Variants in FBXO47 observed in about 807,000 individuals in gnomAD.
FBXO47 encodes the protein F-box protein 47, also known as F-box only protein 47.
In FBXO47, 34 loss-of-function variants were observed where a neutral mutation model predicts 53.9. That is an observed-to-expected ratio of 0.63 (90% CI 0.48 to 0.84). The LOEUF (loss-of-function observed/expected upper bound fraction) is 0.84. Among genes scored for constraint, FBXO47 ranks in the 40% least tolerant of loss-of-function variants. The pLI is 0.00. For synonymous variants in FBXO47, 165 were observed against 181.6 expected (o/e 0.91, Z 0.73); for missense variants, 485 against 541.3 (o/e 0.90, Z 1.03).
At chr17:38,942,098 C>G (rs1904536389) in intron 9 of FBXO47, among the ~76,000 whole-genome samples, 1 of 152,154 alleles carries the variant, frequency 6.6e-6, no homozygotes, top group South Asian at 2.1e-4. Flanking sequence ...TATTTCAACT[C>G]TATCTCCATT....
At chr17:38,949,693 T>C (rs1270086961) in intron 6 of FBXO47, among the ~76,000 whole-genome samples, 1 of 152,204 alleles carries the variant, frequency 6.6e-6, no homozygotes, top group African/African-American at 2.4e-5. Flanking sequence ...AATCGAACTT[T>C]CTGATTCTAG....
intron 5 of FBXO47, among the ~76,000 whole-genome samples, chr17:38,951,949 C>T (rs1229329946): frequency 6.6e-6 from 1 of 152,008 alleles, no homozygotes; most frequent in African/African-American, 2.4e-5. Context: ...ATTGCTTGAA[C>T]CTGGGAGGTG....
intron 3 of FBXO47, among the ~76,000 whole-genome samples, chr17:38,959,316 C>A (rs1054463824): frequency 2.0e-5 from 3 of 151,850 alleles, no homozygotes; most frequent in African/African-American, 7.3e-5. Flanking sequence ...AGTACGGTGG[C>A]TCACTCCTGT....
intron 9 of FBXO47, 122 bp from the exon 10 acceptor site, chr17:38,938,854 C>T (rs1249630859): frequency 2.1e-5 from 16 of 745,870 alleles, no homozygotes; most frequent in Non-Finnish European, 3.2e-5. Flanking sequence ...TACCTGACAC[C>T]ATACTGAGTC....
At chr17:38,938,410 G>A (rs1470905935) in intron 10 of FBXO47, among the ~76,000 whole-genome samples, 163 bp downstream of exon 10, 2 of 151,474 alleles carry the variant, frequency 1.3e-5, no homozygotes, top group African/African-American at 2.4e-5. Context: ...ACAAAAGTCC[G>A]CTTCCTCTAC....
chr17:38,964,855 C>T (rs1164784101), intron 1 of FBXO47, among the ~76,000 whole-genome samples: 1 of 151,896 alleles, frequency 6.6e-6, no homozygotes, highest in Non-Finnish European at 1.5e-5. Flanking sequence ...CTCTACTGCC[C>T]GGGCTGGAGT....
intron 3 of FBXO47, among the ~76,000 whole-genome samples, chr17:38,961,537 G>A (rs1330444004): frequency 6.6e-6 from 1 of 152,174 alleles, no homozygotes; most frequent in Non-Finnish European, 1.5e-5. Flanking sequence ...ATGGTTGAAA[G>A]GGAAAAGAGA....
chr17:38,963,903 C>T (rs1179300934), intron 1 of FBXO47, among the ~76,000 whole-genome samples: 1 of 145,320 alleles, frequency 6.9e-6, no homozygotes, highest in Non-Finnish European at 1.5e-5. Context: ...CTCAAACAAT[C>T]CTCCTGCCTC....
At chr17:38,947,111 TATATATAAACATATATATAA>T (rs1260429427) in intron 6 of FBXO47, among the ~76,000 whole-genome samples, 3 of 141,018 alleles carry the variant, frequency 2.1e-5, no homozygotes, top group African/African-American at 7.9e-5. Flanking sequence ...TATAAACATA[TATATATAAACATATATATAA>T]ATATATATAT....
At chr17:38,944,395 C>T (rs551915161) in intron 7 of FBXO47, among the ~76,000 whole-genome samples, 2 of 151,068 alleles carry the variant, frequency 1.3e-5, no homozygotes, top group African/African-American at 2.4e-5. Flanking sequence ...GGTGAAACCC[C>T]GTCTTTACTA....
chr17:38,958,092 G>A (rs992933276), intron 3 of FBXO47, among the ~76,000 whole-genome samples: 1 of 152,092 alleles, frequency 6.6e-6, no homozygotes, highest in African/African-American at 2.4e-5. Flanking sequence ...GCCTCCCAAA[G>A]TTCTGGGATT....
chr17:38,938,722 T>G lies in FBXO47; in HGVS notation c.1094A>C (p.Lys365Thr). The change falls in exon 10 of 11, where the codon AAA becomes ACA. Residue 365 changes from lysine (K) to threonine (T), a missense_variant. By Grantham distance (78) the Lys-to-Thr change is moderately conservative. Transcript: ENST00000378079. ...TGTCCAATCCATGCAGTACAGTTCT[T>G]TCTCACACACCTGATTTAGACATAT... ...LVVFLALVCE[K>T]ELYCMDWTVK... 1.3e-6 allele frequency: 2 copies of G among 1,588,262 alleles called. No individual in the cohort carries two copies.
rs775124906 is a variant in FBXO47, at chr17:38,945,082, A to G, written c.671T>C (p.Leu224Pro). ...RIRLFCRNVL[L>P]DHWTHRSDSA... ...ATCACTTCGATGTGTCCAATGATCA[A>G]GGAGGACATTCCTACAGAAGAGTCT... The change falls in exon 7 of 11, where the codon CTT (leucine) becomes CCT (proline). Residue 224 changes from leucine (L) to proline (P), a missense_variant. Coordinates refer to ENST00000378079, the MANE Select transcript of FBXO47 (RefSeq NM_001008777.3). The G allele has an allele frequency of 6.2e-7, 1 of 1,613,902 alleles. No individual in the cohort carries two copies. The highest frequency in any genetic ancestry group is 1.1e-5 in the South Asian group (1 of 91,078).
chr17:38,950,848 T>C (rs1905239725), intron 6 of FBXO47, among the ~76,000 whole-genome samples: 1 of 152,176 alleles, frequency 6.6e-6, no homozygotes, highest in Non-Finnish European at 1.5e-5. Flanking sequence ...TTATTCGATA[T>C]TTATCATTCC....
intron 3 of FBXO47, among the ~76,000 whole-genome samples, chr17:38,958,592 T>C (rs987616308): frequency 3.9e-5 from 6 of 152,166 alleles, no homozygotes; most frequent in African/African-American, 1.2e-4. Context: ...TGGCCATACA[T>C]TGTTAACATT....
intron 2 of FBXO47, 103 bp from the exon 3 acceptor site, chr17:38,962,150 T>C (rs532236494): frequency 1.1e-6 from 1 of 896,722 alleles, no homozygotes; most frequent in Non-Finnish European, 1.7e-6. Flanking sequence ...TCGTCATCAT[T>C]ATCACCATCA....
chr17:38,964,187 A>G (rs1014554803), intron 1 of FBXO47, among the ~76,000 whole-genome samples: 1 of 152,136 alleles, frequency 6.6e-6, no homozygotes, highest in Non-Finnish European at 1.5e-5. Flanking sequence ...TGGCCGAGTG[A>G]CGTGACTCAC....
intron 6 of FBXO47, among the ~76,000 whole-genome samples, chr17:38,947,063 T>TATAAAA (rs1567717677): frequency 8.2e-5 from 11 of 133,576 alleles, no homozygotes; most frequent in African/African-American, 2.6e-4. Flanking sequence ...CATATATAAA[T>TATAAAA]ATATATAAAC....
chr17:38,962,314 A>T (rs1905851660), intron 2 of FBXO47, among the ~76,000 whole-genome samples: 1 of 152,160 alleles, frequency 6.6e-6, no homozygotes, highest in Admixed American at 6.6e-5. Flanking sequence ...TCAAAGGAAG[A>T]TTTAAAAAAA....
Sources: allele counts gnomAD v4.1 joint callset (sites outside exome capture counted in the v4.1 genomes callset), GRCh38; gene constraint gnomAD v4.1.1; transcripts MANE v1.5; gene names NCBI Gene and HGNC (gene_info 2026-07-23, HGNC 2026-07-21).